Variants in CSNK1A1 observed in about 807,000 individuals in gnomAD.
The protein encoded by CSNK1A1 is casein kinase 1 alpha 1.
In CSNK1A1, 7 loss-of-function variants were observed where a neutral mutation model predicts 46.1. The ratio of observed to expected loss-of-function variants is 0.15; its 90% CI spans 0.09 to 0.29. The LOEUF is 0.29. Among genes scored for constraint, CSNK1A1 ranks in the 10% least tolerant of loss-of-function variants. The probability of loss-of-function intolerance (pLI) is 1.00; values close to 1 mark genes in which losing one functional copy is unlikely to be tolerated. For synonymous variants in CSNK1A1, 137 were observed against 141.5 expected (o/e 0.97, Z 0.23); for missense variants, 96 against 417.1 (o/e 0.23, Z 6.71).
chr5:149,550,832 A>G lies in CSNK1A1; in HGVS notation c.123+10T>C. ...GCAGCGTTATCGTGAACCCCACCCC[A>G]GATGATTACCTCGCCGTTGGTGATG... On this transcript the variant is annotated intron_variant, in intron 1 of 9. Coordinates refer to ENST00000377843, the MANE Select transcript of CSNK1A1 (RefSeq NM_001892.6). The surrounding 1 kb of genome is among the most constrained non-coding windows in gnomAD (Gnocchi z 4.3). 1 of 1,613,944 alleles carries G rather than the reference A, an allele frequency of 6.2e-7. No homozygotes were observed. The highest frequency in any genetic ancestry group is 8.5e-7 in the Non-Finnish European group (1 of 1,179,870).
At chr5:149,542,508 G>A (rs539943081) in intron 2 of CSNK1A1, among the ~76,000 whole-genome samples, 74 of 118,186 alleles carry the variant, frequency 6.3e-4, no homozygotes, top group African/African-American at 2.4e-3. Flanking sequence ...GTGCCAAAAA[G>A]GCTGGGGACC....
intron 9 of CSNK1A1, chr5:149,499,113 C>T (rs1760743858): frequency 2.0e-6 from 2 of 985,172 alleles, no homozygotes; most frequent in Admixed American, 6.2e-5. Flanking sequence ...TAGGAAAAAA[C>T]CTCAATAGGA....
intron 9 of CSNK1A1, chr5:149,501,102 T>C: frequency 1.0e-6 from 1 of 985,444 alleles, no homozygotes; most frequent in Non-Finnish European, 1.2e-6. Context: ...TTCTAGGTCT[T>C]CTAACAGTTG....
intron 2 of CSNK1A1, among the ~76,000 whole-genome samples, chr5:149,536,553 G>T (rs1283628192): frequency 6.6e-6 from 1 of 152,134 alleles, no homozygotes; most frequent in African/African-American, 2.4e-5. Context: ...TTTGTTTTAC[G>T]TAGCAAATAC....
intron 2 of CSNK1A1, among the ~76,000 whole-genome samples, chr5:149,544,201 C>T (rs1762390862): frequency 6.6e-6 from 1 of 152,300 alleles, no homozygotes; most frequent in South Asian, 2.1e-4. Flanking sequence ...TCAGCACTCT[C>T]CTTCCCATTA....
chr5:149,550,389 A>C lies in CSNK1A1; in HGVS notation c.124-208T>G. The C allele has an allele frequency of 7.4e-7, 1 of 1,349,046 alleles. No individual in the cohort carries two copies. Among genetic ancestry groups the C allele is most frequent in the Admixed American group, 3.4e-5 (1 of 29,784 alleles). 83.6% of individuals were successfully genotyped at this position (1,349,046 alleles called of 1,614,324 possible). On this transcript the variant is annotated intron_variant, in intron 1 of 9. Coordinates refer to ENST00000377843, the MANE Select transcript of CSNK1A1 (RefSeq NM_001892.6). This position sits in a 1 kb window ranked among gnomAD's most constrained non-coding sequence, Gnocchi z 4.3. ...AGTGACGAAATCCGTACGTCCTCTA[A>C]AGTGCAGGAAAATGATTCATCCAGA...
At chr5:149,501,239 A>C in intron 9 of CSNK1A1, 2 of 985,350 alleles carry the variant, frequency 2.0e-6, no homozygotes, top group Non-Finnish European at 2.4e-6. Context: ...GGTTATTTAG[A>C]TCTTTCCAGC....
chr5:149,503,364 A>G, intron 9 of CSNK1A1: 1 of 985,454 alleles, frequency 1.0e-6, no homozygotes, highest in Non-Finnish European at 1.2e-6. Context: ...AAAGAAAAAC[A>G]GATGTTTTCA....
chr5:149,525,311 T>A lies in CSNK1A1; in HGVS notation c.231-140A>T. The stretch of plus-strand genomic sequence containing the variant: ...TCCCCTACTCAGAAGACAAACCCAC[T>A]AATTAACTACAAGGCCCAAAGACAA... On this transcript the variant is annotated intron_variant, in intron 2 of 9. Coordinates refer to ENST00000377843, the MANE Select transcript of CSNK1A1 (RefSeq NM_001892.6). The surrounding 1 kb of genome is among the most constrained non-coding windows in gnomAD (Gnocchi z 4.2). The A allele has an allele frequency of 3.4e-6, 3 of 877,852 alleles. No homozygotes were observed. Among genetic ancestry groups the A allele is most frequent in the Middle Eastern group, 4.9e-4 (2 of 4,112 alleles). 54.4% of individuals were successfully genotyped at this position (877,852 alleles called of 1,614,324 possible).
At chr5:149,526,525 A>T (rs1365755429) in intron 2 of CSNK1A1, among the ~76,000 whole-genome samples, 2 of 152,218 alleles carry the variant, frequency 1.3e-5, no homozygotes, top group African/African-American at 4.8e-5. Flanking sequence ...TCAAGTAGGA[A>T]ACTGTTTAGT....
intron 4 of CSNK1A1, among the ~76,000 whole-genome samples, chr5:149,516,542 C>T (rs1426337465): frequency 6.6e-6 from 1 of 151,588 alleles, no homozygotes; most frequent in Non-Finnish European, 1.5e-5. Context: ...GGTCACTTTA[C>T]TAAAAACCTA....
intron 9 of CSNK1A1, chr5:149,497,414 G>C: frequency 2.0e-6 from 2 of 985,878 alleles, no homozygotes; most frequent in Non-Finnish European, 2.4e-6. Context: ...GGCCGCATTA[G>C]AAAGATTGTT....
chr5:149,497,277 A>G, intron 9 of CSNK1A1: 1 of 993,652 alleles, frequency 1.0e-6, no homozygotes, highest in Non-Finnish European at 1.2e-6. Flanking sequence ...TCTGACACAA[A>G]TTAAAACGGT....
Position 149,550,577 on chromosome 5 carries a change from TAA to T in CSNK1A1, c.123+263_123+264del, listed in dbSNP as rs543869755. Among the ~76,000 whole-genome samples, 4 of 139,698 alleles carry T rather than the reference TAA, an allele frequency of 2.9e-5. No individual in the cohort carries two copies. The allele number at this position is 139,698 out of a possible 152,430, so 91.6% of individuals were successfully genotyped here. On this transcript the variant is annotated intron_variant, in intron 1 of 9. Transcript: ENST00000377843. This position sits in a 1 kb window ranked among gnomAD's most constrained non-coding sequence, Gnocchi z 4.3. ...TGCCGTTTCCACCTTAAAAGACGGT[TAA>T]AAAAAAAAAAAGCTCGACTAAGGGA... is the stretch of plus-strand genomic sequence containing the variant.
At chr5:149,503,031 G>T in intron 9 of CSNK1A1, 1 of 971,996 alleles carries the variant, frequency 1.0e-6, no homozygotes, top group Non-Finnish European at 1.2e-6. Flanking sequence ...CTCTCAAAGT[G>T]CTGGGATAAC....
rs183606360 is a variant in CSNK1A1, at chr5:149,507,477, T to C, written c.751-344A>G. Among the ~76,000 whole-genome samples the C allele has an allele frequency of 1.6e-4, 25 of 151,964 alleles. 1 individual carries two copies. In the Middle Eastern group the frequency reaches 0.014, roughly 83 times the overall value. On this transcript the variant is annotated intron_variant, in intron 7 of 9. Transcript: ENST00000377843. ...CCTCTTCGTGAACTTTTTTTTTTTT[T>C]AAAGACAGGGTCTCAATCTGTCTCC...
At chr5:149,526,075 T>C (rs760944246) in intron 2 of CSNK1A1, among the ~76,000 whole-genome samples, 9 of 152,196 alleles carry the variant, frequency 5.9e-5, no homozygotes, top group Non-Finnish European at 1.2e-4. Context: ...GTTTTAAAAA[T>C]ATTCAAAAGG....
chr5:149,536,242 C>T (rs1189227048), intron 2 of CSNK1A1, among the ~76,000 whole-genome samples: 2 of 152,092 alleles, frequency 1.3e-5, no homozygotes, highest in South Asian at 2.1e-4. Context: ...AGTGAGCCAC[C>T]GTGCCCAGCC....
intron 2 of CSNK1A1, among the ~76,000 whole-genome samples, chr5:149,530,319 T>C (rs1761854444): frequency 6.6e-6 from 1 of 152,188 alleles, no homozygotes; most frequent in African/African-American, 2.4e-5. Context: ...AAACACTCCC[T>C]GCACTCCAAG....
Sources: allele counts gnomAD v4.1 joint callset (sites outside exome capture counted in the v4.1 genomes callset), GRCh38; gene constraint gnomAD v4.1.1; non-coding constraint Gnocchi (gnomAD v3.1); transcripts MANE v1.5; gene names NCBI Gene and HGNC (gene_info 2026-07-23, HGNC 2026-07-21).